Variants in TIMM21 observed in about 807,000 individuals in gnomAD.
TIMM21 encodes mitochondrial import inner membrane translocase subunit Tim21.
TIMM21 carries 30 observed loss-of-function variants against 27.7 expected under a neutral mutation model. The observed-to-expected ratio is 1.08, with a 90% CI of 0.81 to 1.47. The LOEUF (loss-of-function observed/expected upper bound fraction) is 1.47, where lower values mean the gene tolerates loss of function less well. Ranked by LOEUF, TIMM21 falls within the 40% of genes most tolerant of loss-of-function variation. The pLI, the probability that TIMM21 is intolerant of heterozygous loss-of-function variation, is 0.00. For synonymous variants in TIMM21, 121 were observed against 114.4 expected (o/e 1.06, Z -0.37); for missense variants, 292 against 302.9 (o/e 0.96, Z 0.27).
intron 1 of TIMM21, among the ~76,000 whole-genome samples, chr18:74,154,527 C>G (rs2121918000): frequency 6.6e-6 from 1 of 151,694 alleles, no homozygotes; most frequent in Middle Eastern, 3.5e-3. Flanking sequence ...TCCCAAAGTG[C>G]TGGGATTACA....
intron 1 of TIMM21, among the ~76,000 whole-genome samples, chr18:74,153,514 A>G (rs1391935287): frequency 1.3e-5 from 2 of 152,358 alleles, no homozygotes; most frequent in East Asian, 3.9e-4. Flanking sequence ...ATATTTATTG[A>G]AATGTATTTT....
At chr18:74,149,684 A>G (rs114093283) in intron 1 of TIMM21, among the ~76,000 whole-genome samples, 1,606 of 152,320 alleles carry the variant, frequency 0.011, 30 homozygotes, top group African/African-American at 0.036. Flanking sequence ...ACCTTTTAAT[A>G]ATTTTTAACC....
intron 3 of TIMM21, 123 bp from the exon 4 acceptor site, chr18:74,157,891 C>T: frequency 9.5e-7 from 1 of 1,052,378 alleles, no homozygotes; most frequent in Non-Finnish European, 1.4e-6. Flanking sequence ...CAGGAGTGGT[C>T]ATTTTTGAAA....
chr18:74,154,551 G>A (rs561601798), intron 1 of TIMM21, among the ~76,000 whole-genome samples: 1 of 151,066 alleles, frequency 6.6e-6, no homozygotes, highest in East Asian at 2.0e-4. Context: ...ATGAGCCACC[G>A]CGCCTGGCCC....
intron 1 of TIMM21, among the ~76,000 whole-genome samples, chr18:74,154,569 CTGTCT>C (rs570550531): frequency 1.0e-3 from 157 of 152,330 alleles, no homozygotes; most frequent in Non-Finnish European, 2.0e-3. Flanking sequence ...CCCCCTGACA[CTGTCT>C]TGATTGAGTT....
intron 3 of TIMM21, among the ~76,000 whole-genome samples, chr18:74,156,061 A>G (rs17088876): frequency 0.075 from 11,367 of 152,208 alleles, 624 homozygotes; most frequent in Admixed American, 0.18. Context: ...TCAAGAAGGA[A>G]GGCTTTAGAT....
Position 74,149,085 on chromosome 18 carries a change from A to G in TIMM21, c.277A>G (p.Thr93Ala), listed in dbSNP as rs1294803485. Residue 93 changes from threonine (T) to alanine (A), a missense_variant, in exon 1 of 6, where the codon ACC (threonine) becomes GCC (alanine). Transcript: ENST00000169551. ...TGTGCACAGGAGTCAGAGAGGGGGAACCGCCGTCCCAACATCACAAAAAGG... is the reference window on the plus strand; with the variant it reads ...TGTGCACAGGAGTCAGAGAGGGGGAGCCGCCGTCCCAACATCACAAAAAGG... Reference protein sequence around the residue: ...VSVHRSQRGGTAVPTSQKVKE... With the variant: ...VSVHRSQRGGAAVPTSQKVKE... 6 of 1,610,082 alleles carry G rather than the reference A, an allele frequency of 3.7e-6. No homozygotes were observed. In the Admixed American group the frequency reaches 1.0e-4, roughly 27 times the overall value.
In TIMM21 at chr18:74,159,447, A is replaced by T. The variant is rs545289898; in HGVS notation, c.*967A>T. ...ATCTGCGGTGGCTTCAGTGTGAGGTATCCCCTCTGATGTGTTTGTTCCTTC... is the reference window on the plus strand; with the variant it reads ...ATCTGCGGTGGCTTCAGTGTGAGGTTTCCCCTCTGATGTGTTTGTTCCTTC... On this transcript the variant is annotated 3_prime_UTR_variant, in exon 6 of 6. Coordinates refer to ENST00000169551, the MANE Select transcript of TIMM21 (RefSeq NM_014177.3). 2 of 152,012 alleles carry T rather than the reference A, an allele frequency of 1.3e-5. No individual in the cohort carries two copies. The highest frequency in any genetic ancestry group is 2.9e-5 in the Non-Finnish European group (2 of 68,010). The allele number at this position is 152,012 out of a possible 1,614,324, so 9.4% of individuals were successfully genotyped here. A position where few individuals can be genotyped will look rare whatever the true frequency, so the allele number is the denominator to read the frequency against.
chr18:74,155,583 G>A (rs1260469315), intron 3 of TIMM21, 180 bp downstream of exon 3: 1 of 577,630 alleles, frequency 1.7e-6, no homozygotes, highest in Admixed American at 3.5e-5. Context: ...CCAAAAGTCA[G>A]TGTACAGATG....
In TIMM21 at chr18:74,148,878, C is replaced by A; in HGVS notation, c.70C>A (p.Leu24Ile). The A allele has an allele frequency of 6.2e-7, 1 of 1,614,178 alleles. No homozygotes were observed. The highest frequency in any genetic ancestry group is 8.5e-7 in the Non-Finnish European group (1 of 1,180,008). The change falls in exon 1 of 6, where the codon CTT (leucine) becomes ATT (isoleucine). Residue 24 changes from leucine (L) to isoleucine (I), a missense_variant. Transcript: ENST00000169551. ...GCACAGGTCCTCGGCAAAGCGATTG[C>A]TTTTGCCATACATCGTGCTTAACAA... ...KLHRSSAKRLLLPYIVLNKAC... is the reference protein window; with the variant it reads ...KLHRSSAKRLILPYIVLNKAC...
chr18:74,156,389 A>C, intron 3 of TIMM21: 2 of 398,172 alleles, frequency 5.0e-6, no homozygotes. Flanking sequence ...CAGTTTTCTA[A>C]TCATGTCAGG....
chr18:74,149,006 G>A lies in TIMM21; in HGVS notation c.198G>A (p.Trp66Ter), dbSNP rs766057902. The change falls in exon 1 of 6, where the codon TGG becomes TGA. Residue 66 changes from tryptophan to a stop codon, truncating the protein, a stop_gained. Transcript: ENST00000169551. LOFTEE classifies it high-confidence loss of function. Reference protein sequence around the residue: ...CILGVTQKTIWTQGPSPRKAK... With the variant: ...CILGVTQKTI ...TTGGAGTCACCCAGAAAACCATCTG[G>A]ACGCAGGGACCGAGCCCCCGAAAAG... 1 of 1,614,174 alleles carries A rather than the reference G, an allele frequency of 6.2e-7. No individual in the cohort carries two copies. Among genetic ancestry groups the A allele is most frequent in the South Asian group, 1.1e-5 (1 of 91,074 alleles).
In TIMM21 at chr18:74,152,549, C is replaced by T. The variant is rs1010923739; in HGVS notation, c.302-2596C>T. Among the ~76,000 whole-genome samples the T allele has an allele frequency of 6.6e-6, 1 of 152,190 alleles. No homozygotes were observed. Among genetic ancestry groups the T allele is most frequent in the Admixed American group, 6.5e-5 (1 of 15,284 alleles). ...CAGCCAGTACATTCCCTTCCGCCAG[C>T]ATTCCATCCCAGGTCCCCATTGGTG... On this transcript the variant is annotated intron_variant, in intron 1 of 5. Transcript: ENST00000169551. This position sits in a 1 kb window ranked among gnomAD's most constrained non-coding sequence, Gnocchi z 4.1.
chr18:74,149,660 A>G (rs1287317239), intron 1 of TIMM21, among the ~76,000 whole-genome samples: 4 of 152,194 alleles, frequency 2.6e-5, no homozygotes, highest in Non-Finnish European at 4.4e-5. Context: ...AACATTTTGC[A>G]CTTTCATACA....
chr18:74,154,650 G>A (rs976670042), intron 1 of TIMM21, among the ~76,000 whole-genome samples: 1 of 152,134 alleles, frequency 6.6e-6, no homozygotes, highest in African/African-American at 2.4e-5. Context: ...GAAAACAAAT[G>A]TCTGGTCTGT....
At position 74,155,155 on chromosome 18, in the gene TIMM21, C is replaced by T. The variant is rs1289147684; in HGVS notation, c.312C>T (p.Ala104=). 24 of 1,614,014 alleles carry T rather than the reference C, an allele frequency of 1.5e-5. No individual in the cohort carries two copies. The highest frequency in any genetic ancestry group is 5.0e-5 in the Admixed American group (3 of 59,994). ...GTTTTCTCTTCACAGTGAAAGAAGC[C>T]GGAAGAGATTTTACCTATTTAATAG... The part of the protein sequence containing the change: ...AVPTSQKVKE[A]GRDFTYLIVV... The change falls in exon 2 of 6, where the codon GCC becomes GCT. Residue 104 remains alanine, a synonymous_variant. Transcript: ENST00000169551.
intron 1 of TIMM21, among the ~76,000 whole-genome samples, chr18:74,154,463 G>A (rs1042819804): frequency 5.3e-5 from 8 of 151,862 alleles, no homozygotes; most frequent in Non-Finnish European, 1.0e-4. Context: ...GCGTTTCACC[G>A]TGTTAGCCAG....
At position 74,160,273 on chromosome 18, in the gene TIMM21, C is replaced by G. The variant is rs1980065943; in HGVS notation, c.*1793C>G. ...GGCAGAGGTTGCAGTGAGCCAAGAT[C>G]ATGTCACTGCACTCCAGCATGAGTG... On this transcript the variant is annotated 3_prime_UTR_variant, in exon 6 of 6. Coordinates refer to ENST00000169551, the MANE Select transcript of TIMM21 (RefSeq NM_014177.3). 6.7e-6 allele frequency: 1 copy of G among 150,256 alleles called. No homozygotes were observed. The highest frequency in any genetic ancestry group is 1.5e-5 in the Non-Finnish European group (1 of 67,812). The allele number at this position is 150,256 out of a possible 1,614,324, so 9.3% of individuals were successfully genotyped here. A position where few individuals can be genotyped will look rare whatever the true frequency, so the allele number is the denominator to read the frequency against.
chr18:74,155,089 C>A (rs762857996), intron 1 of TIMM21, 56 bp from the exon 2 acceptor site: 2 of 1,571,912 alleles, frequency 1.3e-6, no homozygotes, highest in Non-Finnish European at 1.8e-6. Flanking sequence ...AAGCAGCAGA[C>A]AAGCTTGCCT....
Sources: allele counts gnomAD v4.1 joint callset (sites outside exome capture counted in the v4.1 genomes callset), GRCh38; gene constraint gnomAD v4.1.1; non-coding constraint Gnocchi (gnomAD v3.1); transcripts MANE v1.5; gene names NCBI Gene and HGNC (gene_info 2026-07-23, HGNC 2026-07-21).